Variants in ABCC10 observed in about 807,000 individuals in gnomAD.
The protein encoded by ABCC10 is ATP binding cassette subfamily C member 10.
ABCC10 carries 110 observed loss-of-function variants against 143.2 expected under a neutral mutation model. The observed-to-expected ratio is 0.77, with a 90% CI of 0.66 to 0.90. The LOEUF (loss-of-function observed/expected upper bound fraction) is 0.90. ABCC10 is among the 40% of genes least tolerant of loss of function. The pLI is 0.00. For missense variants in ABCC10, 1,700 were observed against 1,900.5 expected (o/e 0.89, Z 1.96); for synonymous variants, 805 against 846.7 (o/e 0.95, Z 0.85).
chr6:43,438,560 G>C (rs1300152517), intron 7 of ABCC10, 64 bp from the exon 8 acceptor site: 8 of 1,576,470 alleles, frequency 5.1e-6, no homozygotes, highest in African/African-American at 2.7e-5. Context: ...TAGGAGTCAA[G>C]GGCTGGGCAT....
intron 8 of ABCC10, among the ~76,000 whole-genome samples, chr6:43,439,687 G>T (rs552722983): frequency 1.3e-5 from 2 of 152,112 alleles, no homozygotes; most frequent in East Asian, 1.9e-4. Flanking sequence ...GGATTCAAGC[G>T]ATTCTCCTGC....
In ABCC10 at chr6:43,438,812, G is replaced by A; in HGVS notation, c.2127+17G>A. ...GACCTCAGTGTGAGTGCCTGGCCTT[G>A]AAACCTCTTAGCTGCCTGTTTCTCC... On this transcript the variant is annotated intron_variant, in intron 8 of 21. Coordinates refer to ENST00000372530, the MANE Select transcript of ABCC10 (RefSeq NM_001198934.2). 1.2e-6 allele frequency: 2 copies of A among 1,613,234 alleles called. No individual in the cohort carries two copies. The highest frequency in any genetic ancestry group is 1.1e-5 in the South Asian group (1 of 91,028).
Position 43,445,322 on chromosome 6 carries a change from G to T in ABCC10, c.3030+8G>T. The T allele has an allele frequency of 2.5e-6, 4 of 1,611,760 alleles. No individual in the cohort carries two copies. Among genetic ancestry groups the T allele is most frequent in the East Asian group, 2.2e-5 (1 of 44,810 alleles). On this transcript the variant is annotated splice_region_variant and intron_variant, in intron 14 of 21. Coordinates refer to ENST00000372530, the MANE Select transcript of ABCC10 (RefSeq NM_001198934.2). The stretch of plus-strand genomic sequence containing the variant: ...CTGCATCGAGTCCTTATGGTGAGGG[G>T]CTGGGACCTCGGGGGTAGGGGAGTG...
chr6:43,437,080 G>A (rs1022609508), intron 6 of ABCC10, among the ~76,000 whole-genome samples: 9 of 152,232 alleles, frequency 5.9e-5, no homozygotes, highest in African/African-American at 2.2e-4. Flanking sequence ...CCCAGAACCA[G>A]GCCTCAACTC....
chr6:43,428,187 C>A, intron 2 of ABCC10, 48 bp downstream of exon 2: 1 of 1,469,488 alleles, frequency 6.8e-7, no homozygotes. Flanking sequence ...GCCTGCAGAT[C>A]TCACCCGCGG....
chr6:43,427,785 T>A (rs2150784247), intron 1 of ABCC10, 28 bp downstream of exon 1: 1 of 650,278 alleles, frequency 1.5e-6, no homozygotes, highest in South Asian at 1.8e-5. Flanking sequence ...AGAAATCCAC[T>A]GGGGAAACCT....
chr6:43,443,404 G>C lies in ABCC10; in HGVS notation c.2416+245G>C, dbSNP rs1013090444. 6.8e-6 allele frequency: 3 copies of C among 439,002 alleles called. No homozygotes were observed. The highest frequency in any genetic ancestry group is 6.0e-5 in the African/African-American group (3 of 49,916). 27.2% of individuals were successfully genotyped at this position (439,002 alleles called of 1,614,324 possible). ...GTGCTCTTGGGAACTTAAAGGCCCAGGGTCTCTGAGAACATTCTCATATCT... is the reference window on the plus strand; with the variant it reads ...GTGCTCTTGGGAACTTAAAGGCCCACGGTCTCTGAGAACATTCTCATATCT... On this transcript the variant is annotated intron_variant, in intron 10 of 21. Coordinates refer to ENST00000372530, the MANE Select transcript of ABCC10 (RefSeq NM_001198934.2). This position sits in a 1 kb window ranked among gnomAD's most constrained non-coding sequence, Gnocchi z 4.2.
intron 9 of ABCC10, 127 bp from the exon 10 acceptor site, chr6:43,442,843 A>G: frequency 1.2e-6 from 1 of 826,660 alleles, no homozygotes; most frequent in Non-Finnish European, 1.8e-6. Flanking sequence ...CTCAGGTCTC[A>G]CCTCCTTCTC....
chr6:43,444,974 TCA>T, intron 13 of ABCC10, 36 bp downstream of exon 13: 10 of 1,591,526 alleles, frequency 6.3e-6, no homozygotes, highest in Non-Finnish European at 8.6e-6. Flanking sequence ...CCTGGTGCTC[TCA>T]GAGTGGTCGC....
At chr6:43,446,112 T>C (rs541835334) in intron 15 of ABCC10, among the ~76,000 whole-genome samples, 165 bp from the exon 16 acceptor site, 1 of 152,134 alleles carries the variant, frequency 6.6e-6, no homozygotes, top group South Asian at 2.1e-4. Flanking sequence ...GGACCCCCAC[T>C]TTGAAAGAGC....
At chr6:43,438,879 A>G (rs1319731348) in intron 8 of ABCC10, 84 bp downstream of exon 8, 4 of 1,522,590 alleles carry the variant, frequency 2.6e-6, no homozygotes, top group Non-Finnish European at 2.7e-6. Context: ...GCTTTTCTGG[A>G]AAGGGGTTGC....
Position 43,449,413 on chromosome 6 carries a change from A to G in ABCC10, c.4204-9A>G. 6.2e-7 allele frequency: 1 copy of G among 1,610,072 alleles called. No homozygotes were observed. The highest frequency in any genetic ancestry group is 8.5e-7 in the Non-Finnish European group (1 of 1,177,486). On this transcript the variant is annotated splice_polypyrimidine_tract_variant and intron_variant, in intron 20 of 21. Transcript: ENST00000372530. Reference sequence around the variant, plus strand: ...CCTTCTTATCCCCTACCCCATTCCCATATTCCAGATCCTGTGTATCGATGA... The same window carrying G: ...CCTTCTTATCCCCTACCCCATTCCCGTATTCCAGATCCTGTGTATCGATGA...
At chr6:43,445,468 T>A in intron 14 of ABCC10, 131 bp from the exon 15 acceptor site, 2 of 1,354,742 alleles carry the variant, frequency 1.5e-6, no homozygotes, top group Non-Finnish European at 2.0e-6. Context: ...TGCCCCCAAA[T>A]TCTGGGGATA....
rs888741934 is a variant in ABCC10 at position 43,448,897 on chromosome 6, A to G, written c.3976A>G (p.Ile1326Val). ...GTCCCCCAGATCCCAGTTGGCTATC[A>G]TCCCCCAGGAGCCCTTTTTGTTCAG... Reference protein sequence around the residue: ...LAQLRSQLAIIPQEPFLFSGT... With the variant: ...LAQLRSQLAIVPQEPFLFSGT... Residue 1326 changes from isoleucine (I) to valine (V), a missense_variant, in exon 19 of 22, where the codon ATC becomes GTC. Ile to Val is a conservative substitution (Grantham distance 29). Transcript: ENST00000372530. The G allele has an allele frequency of 1.9e-6, 3 of 1,612,756 alleles. No individual in the cohort carries two copies. The highest frequency in any genetic ancestry group is 2.7e-5 in the African/African-American group (2 of 74,838).
chr6:43,441,008 C>T (rs1478388405), intron 8 of ABCC10, among the ~76,000 whole-genome samples: 4 of 151,882 alleles, frequency 2.6e-5, no homozygotes, highest in Admixed American at 1.3e-4. Flanking sequence ...GAGGCTGAGG[C>T]AGGAGAATTG....
chr6:43,447,577 A>G, intron 17 of ABCC10, 107 bp from the exon 18 acceptor site: 3 of 1,560,770 alleles, frequency 1.9e-6, no homozygotes, highest in South Asian at 2.5e-5. Context: ...TCATTCTCTC[A>G]TTCCTCTCAC....
At chr6:43,433,386 G>A (rs771344776) in intron 3 of ABCC10, 26 bp downstream of exon 3, 1 of 1,576,804 alleles carries the variant, frequency 6.3e-7, no homozygotes, top group Non-Finnish European at 8.6e-7. Flanking sequence ...GGGTCCCTCA[G>A]CTATCTGGAG....
chr6:43,439,401 G>T (rs1173844176), intron 8 of ABCC10, among the ~76,000 whole-genome samples: 1 of 108,064 alleles, frequency 9.3e-6, no homozygotes, highest in Non-Finnish European at 2.1e-5. Flanking sequence ...TTTTAAAATT[G>T]ATTAATTTTT....
intron 8 of ABCC10, among the ~76,000 whole-genome samples, chr6:43,439,013 G>A (rs1410354702): frequency 6.6e-6 from 1 of 152,188 alleles, no homozygotes; most frequent in Non-Finnish European, 1.5e-5. Flanking sequence ...GTTGTGGGAA[G>A]AGCCCTAAGG....
Sources: allele counts gnomAD v4.1 joint callset (sites outside exome capture counted in the v4.1 genomes callset), GRCh38; gene constraint gnomAD v4.1.1; non-coding constraint Gnocchi (gnomAD v3.1); transcripts MANE v1.5; gene names NCBI Gene and HGNC (gene_info 2026-07-23, HGNC 2026-07-21).